Variants in CDH13 observed in about 807,000 individuals in gnomAD.
CDH13 encodes the protein cadherin-13.
In CDH13, 24 loss-of-function variants were observed where a neutral mutation model predicts 63.8. That is an observed-to-expected ratio of 0.38 (90% CI 0.27 to 0.53). The LOEUF (loss-of-function observed/expected upper bound fraction) is 0.53. Among genes scored for constraint, CDH13 ranks in the 20% least tolerant of loss-of-function variants. The pLI is 0.85. For synonymous variants in CDH13, 503 were observed against 355.3 expected (o/e 1.42, Z -4.67); for missense variants, 1,049 against 903.1 (o/e 1.16, Z -2.07).
chr16:83,365,082 A>T (rs77404159), intron 6 of CDH13, among the ~76,000 whole-genome samples: 1,964 of 152,306 alleles, frequency 0.013, 19 homozygotes, highest in African/African-American at 0.02. Context: ...AGTAAAATTT[A>T]AAAAAGGATA....
chr16:82,923,522 A>G (rs1207389866), intron 2 of CDH13, among the ~76,000 whole-genome samples: 2 of 152,196 alleles, frequency 1.3e-5, no homozygotes, highest in Admixed American at 6.5e-5. Flanking sequence ...ACAGAGTCCT[A>G]CTTTTGTACT....
chr16:82,787,417 A>AT (rs1474896633), intron 1 of CDH13, among the ~76,000 whole-genome samples: 3 of 152,310 alleles, frequency 2.0e-5, no homozygotes, highest in Non-Finnish European at 4.4e-5. Flanking sequence ...TTTGGAAGAA[A>AT]TTTCCGTCAC....
At chr16:83,284,327 T>C (rs548186135) in intron 5 of CDH13, among the ~76,000 whole-genome samples, 2 of 152,298 alleles carry the variant, frequency 1.3e-5, no homozygotes, top group African/African-American at 4.8e-5. Flanking sequence ...TGTTTGACTT[T>C]GAGCAAATTG....
At chr16:83,150,496 C>T (rs191469668) in intron 4 of CDH13, among the ~76,000 whole-genome samples, 2 of 152,210 alleles carry the variant, frequency 1.3e-5, no homozygotes. Flanking sequence ...TCATTTTCAC[C>T]TTCAACTCCA....
chr16:83,116,001 A>G (rs1446176502), intron 3 of CDH13, among the ~76,000 whole-genome samples: 1 of 152,192 alleles, frequency 6.6e-6, no homozygotes. Context: ...TCAGGTGTGC[A>G]GGAAGTAGGA....
At chr16:83,719,125 C>A (rs1165078163) in intron 10 of CDH13, among the ~76,000 whole-genome samples, 2 of 152,194 alleles carry the variant, frequency 1.3e-5, no homozygotes, top group Non-Finnish European at 2.9e-5. Context: ...TTGGGGGCTT[C>A]TGCCTCTCTT....
intron 2 of CDH13, among the ~76,000 whole-genome samples, chr16:82,881,806 G>A (rs1048446099): frequency 1.3e-5 from 2 of 152,012 alleles, no homozygotes; most frequent in African/African-American, 4.8e-5. Flanking sequence ...GTGTCCCCCT[G>A]CGATACGATA....
chr16:82,645,313 GA>G (rs1909962080), intron 1 of CDH13, among the ~76,000 whole-genome samples: 1 of 152,186 alleles, frequency 6.6e-6, no homozygotes, highest in South Asian at 2.1e-4. Flanking sequence ...ACTCCATCCA[GA>G]ATAATTCTTC....
intron 10 of CDH13, among the ~76,000 whole-genome samples, chr16:83,679,347 A>C (rs889006316): frequency 2.6e-5 from 4 of 152,166 alleles, no homozygotes; most frequent in African/African-American, 9.7e-5. Flanking sequence ...TCCAAAATCT[A>C]ATCTTCTTCT....
chr16:83,551,071 T>TCTATCTAC (rs2075483696), intron 7 of CDH13, among the ~76,000 whole-genome samples: 1 of 151,550 alleles, frequency 6.6e-6, no homozygotes, highest in Non-Finnish European at 1.5e-5. Context: ...TATCTATCTA[T>TCTATCTAC]CTATCTATCT....
intron 5 of CDH13, among the ~76,000 whole-genome samples, chr16:83,280,274 C>G (rs1290775745): frequency 6.6e-6 from 1 of 152,212 alleles, no homozygotes; most frequent in Non-Finnish European, 1.5e-5. Flanking sequence ...ATATTCTAAA[C>G]TCTTTTTTGT....
At chr16:83,193,594 C>T (rs531441278) in intron 4 of CDH13, among the ~76,000 whole-genome samples, 1 of 152,272 alleles carries the variant, frequency 6.6e-6, no homozygotes, top group Middle Eastern at 3.4e-3. Context: ...TCTCTGAATC[C>T]CATTCATTTG....
At chr16:83,506,787 A>G (rs1408568360) in intron 7 of CDH13, among the ~76,000 whole-genome samples, 1 of 152,190 alleles carries the variant, frequency 6.6e-6, no homozygotes, top group Non-Finnish European at 1.5e-5. Flanking sequence ...AGCTTCATGG[A>G]GAAATCCACA....
intron 3 of CDH13, among the ~76,000 whole-genome samples, chr16:83,065,689 A>T (rs1430391448): frequency 8.8e-6 from 1 of 113,880 alleles, no homozygotes; most frequent in Non-Finnish European, 1.8e-5. Context: ...TGGGTGACAG[A>T]ACGAGATTTG....
At chr16:83,608,692 G>C (rs77348637) in intron 8 of CDH13, among the ~76,000 whole-genome samples, 6,238 of 140,622 alleles carry the variant, frequency 0.044, 454 homozygotes, top group African/African-American at 0.15. Flanking sequence ...TATTTTTGTA[G>C]AGGCGAGGTT....
chr16:82,879,817 A>G (rs992903214), intron 2 of CDH13, among the ~76,000 whole-genome samples: 6 of 126,548 alleles, frequency 4.7e-5, no homozygotes, highest in African/African-American at 1.7e-4. Context: ...TATATAATTT[A>G]TAAATATATA....
At chr16:83,182,705 T>G (rs1257411421) in intron 4 of CDH13, among the ~76,000 whole-genome samples, 1 of 152,232 alleles carries the variant, frequency 6.6e-6, no homozygotes, top group Non-Finnish European at 1.5e-5. Flanking sequence ...TATTTTCTCA[T>G]TTAATCTTCA....
chr16:82,979,065 C>G (rs1428569319), intron 2 of CDH13, among the ~76,000 whole-genome samples: 1 of 152,234 alleles, frequency 6.6e-6, no homozygotes, highest in South Asian at 2.1e-4. Context: ...TATTTTTGAA[C>G]TTTAAGGTTT....
At chr16:83,196,608 A>G (rs917297432) in intron 4 of CDH13, among the ~76,000 whole-genome samples, 2 of 152,210 alleles carry the variant, frequency 1.3e-5, no homozygotes, top group Admixed American at 1.3e-4. Context: ...CCAATCAACC[A>G]AATTAGGAAA....
Sources: allele counts gnomAD v4.1 joint callset (sites outside exome capture counted in the v4.1 genomes callset), GRCh38; gene constraint gnomAD v4.1.1; transcripts MANE v1.5; gene names NCBI Gene and HGNC (gene_info 2026-07-23, HGNC 2026-07-21).